DAPK1: variants seen among roughly 807,000 people sequenced by gnomAD.
DAPK1 encodes death-associated protein kinase 1.
In DAPK1, 56 loss-of-function variants were observed where a neutral mutation model predicts 144.9. That is an observed-to-expected ratio of 0.39 (90% CI 0.31 to 0.48). DAPK1 has a LOEUF of 0.48. Among genes scored for constraint, DAPK1 ranks in the 20% least tolerant of loss-of-function variants. DAPK1 has a pLI of 0.95. For synonymous variants in DAPK1, 690 were observed against 749.0 expected (o/e 0.92, Z 1.29); for missense variants, 1,454 against 1,875.4 (o/e 0.78, Z 4.15).
chr9:87,617,594 T>G (rs1228111485), intron 3 of DAPK1, among the ~76,000 whole-genome samples: 1 of 152,228 alleles, frequency 6.6e-6, no homozygotes, highest in African/African-American at 2.4e-5. Flanking sequence ...CTACTGCCAC[T>G]GAAAGGGTGC....
At position 87,571,498 on chromosome 9, in the gene DAPK1, A is replaced by AACACAC. The variant is rs768913480; in HGVS notation, c.63-33431_63-33426dup. 4.2e-3 allele frequency among the ~76,000 whole-genome samples: 195 copies of AACACAC among 46,462 alleles called. 16 individuals carry two copies. The highest frequency in any genetic ancestry group is 0.016 in the African/African-American group (165 of 10,418). 30.5% of individuals were successfully genotyped at this position (46,462 alleles called of 152,430 possible). ...ACCAACACACACACACACACACCCC[A>AACACAC]ACACACACACACACACACACACACA... On this transcript the variant is annotated intron_variant, in intron 2 of 25. Transcript: ENST00000408954.
At chr9:87,640,888 G>A (rs776247403) in intron 9 of DAPK1, 41 bp downstream of exon 9, 1 of 1,604,122 alleles carries the variant, frequency 6.2e-7, no homozygotes, top group Non-Finnish European at 8.5e-7. Flanking sequence ...CACTTTCTAT[G>A]TGATTGGTTT....
In DAPK1 at chr9:87,640,503, A is replaced by T. The variant is rs1346002702; in HGVS notation, c.782+53A>T. 9 of 1,583,072 alleles carry T rather than the reference A, an allele frequency of 5.7e-6. No individual in the cohort carries two copies. The East Asian group carries it at 1.6e-4, about 28-fold the overall frequency. ...TTGGCCACGGCCTCAGCCAGCCCAG[A>T]GCCTGTGTCTGTTCCATGCACAGGG... On this transcript the variant is annotated intron_variant, in intron 8 of 25. Transcript: ENST00000408954.
chr9:87,526,086 T>C (rs934509895), intron 2 of DAPK1, among the ~76,000 whole-genome samples: 1 of 151,264 alleles, frequency 6.6e-6, no homozygotes, highest in Non-Finnish European at 1.5e-5. Context: ...GGCAAGAGGA[T>C]CGCTTACAGC....
At position 87,535,852 on chromosome 9, in the gene DAPK1, G is replaced by A. The variant is rs192139041; in HGVS notation, c.62+36713G>A. Among the ~76,000 whole-genome samples the A allele has an allele frequency of 2.3e-3, 351 of 152,324 alleles. 2 individuals carry two copies. Among genetic ancestry groups the A allele is most frequent in the African/African-American group, 8.2e-3 (341 of 41,580 alleles). ...GAGGGGAAAAAAAGGTGACACAGAT[G>A]TAAACCGGAAGGCCCAAGGTTCTTA... On this transcript the variant is annotated intron_variant, in intron 2 of 25. Transcript: ENST00000408954.
In DAPK1 at chr9:87,601,965, C is replaced by T. The variant is rs1203520329; in HGVS notation, c.63-2989C>T. 3.3e-5 allele frequency among the ~76,000 whole-genome samples: 5 copies of T among 152,130 alleles called. No homozygotes were observed. In the East Asian group the frequency reaches 9.6e-4, roughly 29 times the overall value. The stretch of plus-strand genomic sequence containing the variant: ...ACATGAAGTAGGTCTGCACCCAGGG[C>T]CTCAGGAGATGTGAAGATGAGCCTG... On this transcript the variant is annotated intron_variant, in intron 2 of 25. Coordinates refer to ENST00000408954, the MANE Select transcript of DAPK1 (RefSeq NM_004938.4).
intron 3 of DAPK1, among the ~76,000 whole-genome samples, chr9:87,611,400 G>A (rs909011908): frequency 1.3e-4 from 20 of 152,056 alleles, no homozygotes; most frequent in South Asian, 2.1e-4. Flanking sequence ...CTTCTCCTGC[G>A]TCAGCCTCCT....
chr9:87,599,744 T>G (rs746721026), intron 2 of DAPK1, among the ~76,000 whole-genome samples: 1 of 152,230 alleles, frequency 6.6e-6, no homozygotes, highest in Non-Finnish European at 1.5e-5. Context: ...TACAGTTGAC[T>G]TTCATTATGT....
chr9:87,566,426 T>C (rs1827128926), intron 2 of DAPK1, among the ~76,000 whole-genome samples: 1 of 152,166 alleles, frequency 6.6e-6, no homozygotes, highest in Non-Finnish European at 1.5e-5. Context: ...GTAGAATCTA[T>C]ATATCTCCAA....
chr9:87,601,288 C>G (rs1828505356), intron 2 of DAPK1, among the ~76,000 whole-genome samples: 1 of 152,214 alleles, frequency 6.6e-6, no homozygotes, highest in South Asian at 2.1e-4. Flanking sequence ...TACAGGCTTA[C>G]CCATCACACA....
At chr9:87,669,486 A>G (rs1159921037) in intron 19 of DAPK1, among the ~76,000 whole-genome samples, 1 of 152,226 alleles carries the variant, frequency 6.6e-6, no homozygotes, top group Non-Finnish European at 1.5e-5. Context: ...TTCTTTAAAC[A>G]TTAGTGTATT....
rs747415088 is a variant in DAPK1 at position 87,639,681 on chromosome 9, T to G, written c.585T>G (p.Gly195=). Residue 195 remains glycine (G), a synonymous_variant, in exon 6 of 26, where the codon GGT becomes GGG. Coordinates refer to ENST00000408954, the MANE Select transcript of DAPK1 (RefSeq NM_004938.4). Reference sequence around the variant, plus strand: ...AGATAGTCAACTATGAACCTCTTGGTCTTGAGGCAGATATGTGGTAAGGAG... The same window carrying G: ...AGATAGTCAACTATGAACCTCTTGGGCTTGAGGCAGATATGTGGTAAGGAG... ...APEIVNYEPL[G]LEADMWSIGV... 3 of 1,614,212 alleles carry G rather than the reference T, an allele frequency of 1.9e-6. No homozygotes were observed. The highest frequency in any genetic ancestry group is 8.5e-7 in the Non-Finnish European group (1 of 1,180,032).
chr9:87,580,709 C>G (rs1326993442), intron 2 of DAPK1, among the ~76,000 whole-genome samples: 2 of 152,200 alleles, frequency 1.3e-5, no homozygotes, highest in Non-Finnish European at 2.9e-5. Flanking sequence ...ACTACCTGCT[C>G]TAAAGCTCCC....
At chr9:87,703,903 T>C (rs1345264875) in intron 25 of DAPK1, among the ~76,000 whole-genome samples, 1 of 152,170 alleles carries the variant, frequency 6.6e-6, no homozygotes, top group Non-Finnish European at 1.5e-5. Context: ...CCATGTGAAA[T>C]TGGGAGCCTA....
chr9:87,700,343 C>G, intron 24 of DAPK1, 106 bp downstream of exon 24: 3 of 806,604 alleles, frequency 3.7e-6, no homozygotes, highest in Non-Finnish European at 4.2e-6. Context: ...AGGTGTCTGC[C>G]TGGACATGTC....
intron 25 of DAPK1, among the ~76,000 whole-genome samples, chr9:87,705,645 A>G (rs915053682): frequency 9.8e-5 from 15 of 152,308 alleles, no homozygotes; most frequent in Admixed American, 8.5e-4. Context: ...AATTTAGCCT[A>G]TATCTCCTAA....
At position 87,606,321 on chromosome 9, in the gene DAPK1, T is replaced by C. The variant is rs116945926; in HGVS notation, c.284+1146T>C. 4.4e-3 allele frequency among the ~76,000 whole-genome samples: 668 copies of C among 152,298 alleles called. 3 individuals are homozygous for C. Among genetic ancestry groups the C allele is most frequent in the Middle Eastern group, 0.01 (3 of 294 alleles). On this transcript the variant is annotated intron_variant, in intron 3 of 25. Transcript: ENST00000408954. ...GGCACATTTCTTTATGGGTCTCAGC[T>C]ACAAATTTCTTAACCATAAAATGGG...
At chr9:87,652,958 C>T (rs1381019055) in intron 17 of DAPK1, among the ~76,000 whole-genome samples, 3 of 131,522 alleles carry the variant, frequency 2.3e-5, no homozygotes, top group Non-Finnish European at 5.0e-5. Context: ...CTGTGTCCTC[C>T]CACCTGATCC....
chr9:87,537,472 T>A (rs1386055563), intron 2 of DAPK1, among the ~76,000 whole-genome samples: 2 of 152,002 alleles, frequency 1.3e-5, no homozygotes, highest in Non-Finnish European at 2.9e-5. Flanking sequence ...ACTTGTGTAT[T>A]TTGTATGTGT....
Sources: gnomAD v4.1 joint callset for allele counts (sites outside exome capture counted in the v4.1 genomes callset) on GRCh38, gnomAD v4.1.1 for gene constraint, MANE v1.5 for transcripts, NCBI Gene and HGNC (gene_info 2026-07-23, HGNC 2026-07-21) for gene names.